Variants in UBL3 observed in about 807,000 individuals in gnomAD.
The protein encoded by UBL3 is ubiquitin like 3.
In UBL3, 6 loss-of-function variants were observed where a neutral mutation model predicts 18.4. The observed-to-expected ratio is 0.33, with a 90% CI of 0.18 to 0.64. The LOEUF (loss-of-function observed/expected upper bound fraction) is 0.64. UBL3 is among the 30% of genes least tolerant of loss of function. The probability of loss-of-function intolerance (pLI) is 0.76; values close to 1 mark genes in which losing one functional copy is unlikely to be tolerated. For synonymous variants in UBL3, 49 were observed against 46.6 expected (o/e 1.05, Z -0.21); for missense variants, 109 against 142.9 (o/e 0.76, Z 1.21).
chr13:29,804,262 T>C (rs1046023442), intron 1 of UBL3, among the ~76,000 whole-genome samples: 4 of 152,046 alleles, frequency 2.6e-5, no homozygotes, highest in Non-Finnish European at 4.4e-5. Flanking sequence ...AGAAATGCTT[T>C]GAAACTAATG....
intron 1 of UBL3, among the ~76,000 whole-genome samples, chr13:29,794,350 C>CCA (rs1877555591): frequency 7.7e-6 from 1 of 129,106 alleles, no homozygotes; most frequent in Admixed American, 7.9e-5. Flanking sequence ...TTTACTAACA[C>CCA]TACACACACA....
intron 1 of UBL3, among the ~76,000 whole-genome samples, chr13:29,792,233 T>C (rs1299666318): frequency 6.6e-6 from 1 of 152,168 alleles, no homozygotes; most frequent in Non-Finnish European, 1.5e-5. Context: ...ACACTTCGTG[T>C]ATAACCACCA....
intron 1 of UBL3, among the ~76,000 whole-genome samples, chr13:29,796,331 T>A (rs1486866630): frequency 1.3e-5 from 2 of 152,184 alleles, no homozygotes; most frequent in Non-Finnish European, 2.9e-5. Flanking sequence ...AGTTTTTACT[T>A]AACTTACAAA....
intron 1 of UBL3, among the ~76,000 whole-genome samples, chr13:29,801,367 G>C (rs1448068907): frequency 6.6e-6 from 1 of 151,978 alleles, no homozygotes; most frequent in Non-Finnish European, 1.5e-5. Flanking sequence ...CAATAGCAGC[G>C]GTTCTGCCCC....
chr13:29,837,158 T>C (rs538183677), intron 1 of UBL3, among the ~76,000 whole-genome samples: 18 of 152,342 alleles, frequency 1.2e-4, no homozygotes, highest in African/African-American at 4.1e-4. Flanking sequence ...TCAGATTCTC[T>C]ATAATTTTTC....
chr13:29,774,400 T>TC (rs1012132525), intron 2 of UBL3, among the ~76,000 whole-genome samples: 35 of 151,748 alleles, frequency 2.3e-4, no homozygotes, highest in African/African-American at 3.1e-4. Context: ...CTATGACCGC[T>TC]CCCCCCAAAA....
chr13:29,848,269 C>G (rs959961472), intron 1 of UBL3, among the ~76,000 whole-genome samples: 3 of 105,072 alleles, frequency 2.9e-5, no homozygotes, highest in African/African-American at 3.8e-5. Context: ...CATGGTGAAA[C>G]CCTGTCTCCA....
At chr13:29,810,736 G>GA (rs759967697) in intron 1 of UBL3, among the ~76,000 whole-genome samples, 2 of 152,092 alleles carry the variant, frequency 1.3e-5, no homozygotes, top group Non-Finnish European at 2.9e-5. Context: ...TAAGGAACAT[G>GA]ATTTGCCTTA....
At chr13:29,789,576 C>G (rs1273307754) in intron 1 of UBL3, among the ~76,000 whole-genome samples, 1 of 152,188 alleles carries the variant, frequency 6.6e-6, no homozygotes, top group African/African-American at 2.4e-5. Context: ...CCAGAAAATA[C>G]AGAGATGATC....
chr13:29,798,792 TAAGTACTCATCA>T (rs1157976538), intron 1 of UBL3, among the ~76,000 whole-genome samples: 1 of 152,226 alleles, frequency 6.6e-6, no homozygotes, highest in African/African-American at 2.4e-5. Context: ...TAGATGCGTT[TAAGTACTCATCA>T]AACGTTATAA....
intron 1 of UBL3, among the ~76,000 whole-genome samples, chr13:29,780,690 A>G (rs1877131291): frequency 6.6e-6 from 1 of 152,018 alleles, no homozygotes; most frequent in Admixed American, 6.5e-5. Flanking sequence ...GAAAAGGTAT[A>G]ACTAAGACTA....
chr13:29,788,064 C>T (rs1877369570), intron 1 of UBL3, among the ~76,000 whole-genome samples: 1 of 152,148 alleles, frequency 6.6e-6, no homozygotes, highest in Admixed American at 6.5e-5. Flanking sequence ...CAACTAGGCA[C>T]CCGTTTTCTT....
intron 1 of UBL3, among the ~76,000 whole-genome samples, chr13:29,818,720 A>C (rs1251876149): frequency 6.6e-6 from 1 of 152,172 alleles, no homozygotes; most frequent in South Asian, 2.1e-4. Context: ...TTGAGACTTA[A>C]TTCATTTTAG....
At chr13:29,828,558 A>AC (rs1310935081) in intron 1 of UBL3, among the ~76,000 whole-genome samples, 1 of 152,090 alleles carries the variant, frequency 6.6e-6, no homozygotes, top group Non-Finnish European at 1.5e-5. Context: ...TACACTGGTT[A>AC]TTCTAGTTAG....
intron 1 of UBL3, among the ~76,000 whole-genome samples, chr13:29,839,464 T>C (rs1400373807): frequency 6.6e-6 from 1 of 152,148 alleles, no homozygotes; most frequent in Non-Finnish European, 1.5e-5. Flanking sequence ...TCATATACAT[T>C]TTTTAAATTC....
chr13:29,822,128 T>C (rs1878470080), intron 1 of UBL3, among the ~76,000 whole-genome samples: 1 of 152,232 alleles, frequency 6.6e-6, no homozygotes, highest in South Asian at 2.1e-4. Context: ...ATGAACTTTA[T>C]GCAAATGTGA....
chr13:29,843,149 T>C (rs1187493717), intron 1 of UBL3, among the ~76,000 whole-genome samples: 1 of 152,194 alleles, frequency 6.6e-6, no homozygotes, highest in Non-Finnish European at 1.5e-5. Flanking sequence ...TCTAGTGCAG[T>C]GGCTCCTACA....
chr13:29,781,588 G>A (rs1877175047), intron 1 of UBL3, among the ~76,000 whole-genome samples: 1 of 151,990 alleles, frequency 6.6e-6, no homozygotes, highest in East Asian at 1.9e-4. Flanking sequence ...CTCTGGTGGG[G>A]GAACGCTGAT....
At chr13:29,791,685 G>A (rs1369485065) in intron 1 of UBL3, among the ~76,000 whole-genome samples, 1 of 152,074 alleles carries the variant, frequency 6.6e-6, no homozygotes, top group African/African-American at 2.4e-5. Context: ...TCCAATCACT[G>A]GCATATCCAA....
Sources: allele counts gnomAD v4.1 joint callset (sites outside exome capture counted in the v4.1 genomes callset), GRCh38; gene constraint gnomAD v4.1.1; transcripts MANE v1.5; gene names NCBI Gene and HGNC (gene_info 2026-07-23, HGNC 2026-07-21).